The following ZNF385B variants were observed in gnomAD, a reference collection of about 807,000 sequenced individuals.
The protein encoded by ZNF385B is zinc finger protein 533.
ZNF385B carries 23 observed loss-of-function variants against 39.2 expected under a neutral mutation model. That is an observed-to-expected ratio of 0.59 (90% CI 0.42 to 0.83). The LOEUF (loss-of-function observed/expected upper bound fraction) is 0.83, where lower values mean the gene tolerates loss of function less well. Ranked by LOEUF, ZNF385B falls within the 40% of genes least tolerant of loss-of-function variation. ZNF385B has a pLI of 0.00. For synonymous variants in ZNF385B, 205 were observed against 222.6 expected, an observed-to-expected ratio of 0.92 and a Z score of 0.70; for missense variants, 552 against 598.9, an observed-to-expected ratio of 0.92 and a Z score of 0.82.
At chr2:179,536,311 G>T (rs1045755750) in intron 4 of ZNF385B, 5 of 152,004 alleles carry the variant, frequency 3.3e-5, no homozygotes, top group African/African-American at 1.2e-4. Context: ...TTTCCAAGTT[G>T]ACTCTACTCT....
rs1362940407 is a variant in ZNF385B at position 179,804,709 on chromosome 2, G to A, written c.-154-34037C>T. Reference sequence around the variant, plus strand: ...GAGCAGGATGTGCTGGGCACACAGTGAGCACTTGAATTTTAGCTATTATTT... The same window carrying A: ...GAGCAGGATGTGCTGGGCACACAGTAAGCACTTGAATTTTAGCTATTATTT... On this transcript the variant is annotated intron_variant, in intron 1 of 9. Transcript: ENST00000410066. 2.6e-5 allele frequency among the ~76,000 whole-genome samples: 4 copies of A among 152,178 alleles called. No individual in the cohort carries two copies. In the South Asian group the frequency reaches 8.3e-4, roughly 32 times the overall value.
chr2:179,848,539 T>C (rs1708918628), intron 1 of ZNF385B, among the ~76,000 whole-genome samples: 1 of 152,236 alleles, frequency 6.6e-6, no homozygotes, highest in Admixed American at 6.5e-5. Context: ...GGAGCTGCTA[T>C]GTCACCATTG....
At chr2:179,648,020 G>A (rs1163171384) in intron 3 of ZNF385B, among the ~76,000 whole-genome samples, 5 of 152,158 alleles carry the variant, frequency 3.3e-5, no homozygotes, top group African/African-American at 1.2e-4. Context: ...GACTGTGGCA[G>A]AGCAGTGCCC....
At chr2:179,553,382 G>T (rs1265289890) in intron 3 of ZNF385B, among the ~76,000 whole-genome samples, 1 of 148,492 alleles carries the variant, frequency 6.7e-6, no homozygotes, top group Non-Finnish European at 1.5e-5. Context: ...GCAATGACAG[G>T]GATTATGAAC....
intron 1 of ZNF385B, among the ~76,000 whole-genome samples, chr2:179,789,291 A>T (rs1403659117): frequency 6.6e-6 from 1 of 152,232 alleles, no homozygotes; most frequent in Non-Finnish European, 1.5e-5. Flanking sequence ...AAAGTTAAGA[A>T]GTTGTTAAAA....
intron 3 of ZNF385B, among the ~76,000 whole-genome samples, chr2:179,714,751 A>G (rs2106391297): frequency 6.6e-6 from 1 of 151,844 alleles, no homozygotes; most frequent in African/African-American, 2.4e-5. Flanking sequence ...TTCCAGACCA[A>G]CCTGGCCAAC....
chr2:179,627,000 C>A (rs919487932), intron 3 of ZNF385B, among the ~76,000 whole-genome samples: 1 of 152,168 alleles, frequency 6.6e-6, no homozygotes, highest in Non-Finnish European at 1.5e-5. Context: ...CATGTCAAGT[C>A]TAAGATAATA....
intron 5 of ZNF385B, among the ~76,000 whole-genome samples, chr2:179,506,709 T>C (rs924280971): frequency 6.6e-6 from 1 of 152,126 alleles, no homozygotes; most frequent in Non-Finnish European, 1.5e-5. Flanking sequence ...TATTCAAACT[T>C]TAATTTAAAA....
intron 3 of ZNF385B, among the ~76,000 whole-genome samples, chr2:179,718,780 C>A (rs1027297790): frequency 2.7e-5 from 4 of 149,966 alleles, no homozygotes; most frequent in African/African-American, 9.8e-5. Context: ...AGAGAAGAGG[C>A]TAGGAGTTCG....
intron 1 of ZNF385B, among the ~76,000 whole-genome samples, chr2:179,816,934 T>C (rs1026930159): frequency 1.3e-5 from 2 of 152,186 alleles, no homozygotes; most frequent in African/African-American, 4.8e-5. Flanking sequence ...CCCAGAAGTA[T>C]GATTTCCAGA....
intron 3 of ZNF385B, among the ~76,000 whole-genome samples, chr2:179,586,853 A>G (rs1466900608): frequency 3.9e-5 from 6 of 152,112 alleles, no homozygotes; most frequent in Admixed American, 3.3e-4. Context: ...CCTGATCAAC[A>G]TGGTGAAACC....
chr2:179,574,627 T>C (rs1227945671), intron 3 of ZNF385B, among the ~76,000 whole-genome samples: 1 of 152,182 alleles, frequency 6.6e-6, no homozygotes, highest in African/African-American at 2.4e-5. Context: ...CCACAAAGCC[T>C]AGAAACTAAC....
chr2:179,750,651 T>C (rs540099143), intron 3 of ZNF385B, among the ~76,000 whole-genome samples: 1 of 152,226 alleles, frequency 6.6e-6, no homozygotes, highest in East Asian at 1.9e-4. Context: ...CCATAAGTCA[T>C]ATGGGCTCTA....
chr2:179,652,241 A>T (rs1693258713), intron 3 of ZNF385B, among the ~76,000 whole-genome samples: 1 of 152,150 alleles, frequency 6.6e-6, no homozygotes, highest in African/African-American at 2.4e-5. Flanking sequence ...TCACAGTTTC[A>T]ATGAGTATGG....
chr2:179,581,403 G>A (rs760161246), intron 3 of ZNF385B, among the ~76,000 whole-genome samples: 4 of 152,110 alleles, frequency 2.6e-5, no homozygotes, highest in Non-Finnish European at 4.4e-5. Context: ...CTTATTTTTT[G>A]TAAAGCTGTG....
intron 1 of ZNF385B, among the ~76,000 whole-genome samples, chr2:179,824,673 G>GT (rs906539244): frequency 6.6e-6 from 1 of 151,970 alleles, no homozygotes; most frequent in African/African-American, 2.4e-5. Flanking sequence ...TTTTGTTTTT[G>GT]TTTTTTTCAT....
chr2:179,539,267 T>C (rs2105889780), intron 4 of ZNF385B, among the ~76,000 whole-genome samples: 1 of 152,242 alleles, frequency 6.6e-6, no homozygotes, highest in East Asian at 1.9e-4. Context: ...AAGCTCTCTA[T>C]GCTCTTCTTA....
intron 1 of ZNF385B, among the ~76,000 whole-genome samples, chr2:179,793,569 G>A (rs749972720): frequency 5.9e-5 from 9 of 152,128 alleles, no homozygotes; most frequent in Admixed American, 3.9e-4. Context: ...TCTCTTGCCC[G>A]CCATCATGTA....
chr2:179,449,585 C>T, intron 6 of ZNF385B, among the ~76,000 whole-genome samples: 2 of 151,872 alleles, frequency 1.3e-5, no homozygotes, highest in Non-Finnish European at 1.5e-5. Flanking sequence ...GAAACCACTG[C>T]TCAATGAAAT....
Sources: allele counts gnomAD v4.1 joint callset (sites outside exome capture counted in the v4.1 genomes callset), GRCh38; gene constraint gnomAD v4.1.1; transcripts MANE v1.5; gene names NCBI Gene and HGNC (gene_info 2026-07-23, HGNC 2026-07-21).